LRRC56: variants seen among roughly 807,000 people sequenced by gnomAD.
LRRC56 encodes the protein leucine rich repeat containing 56.
A neutral mutation model predicts 47.8 loss-of-function variants in LRRC56; 41 were observed. That is an observed-to-expected ratio of 0.86 (90% CI 0.67 to 1.11). The LOEUF (loss-of-function observed/expected upper bound fraction) is 1.11. LRRC56 is among the 50% of genes most tolerant of loss of function. The pLI is 0.00. For synonymous variants in LRRC56, 387 were observed against 311.2 expected (o/e 1.24, Z -2.56); for missense variants, 759 against 704.2 (o/e 1.08, Z -0.88).
the LRRC56 span, among the ~76,000 whole-genome samples, chr11:523,150 T>C: frequency 3.3e-5 from 5 of 152,050 alleles, no homozygotes; most frequent in Non-Finnish European, 7.4e-5. Flanking sequence ...CTCCCCAGCC[T>C]CCTGAGTGGC....
Position 554,366 on chromosome 11 carries a change from T to C in LRRC56, c.*90T>C. ...AGCACAGAATACCTGGGCGGGTGTGTTGGGGGGTGGAAGGAGTGCCTGGCC... is the reference window on the plus strand; with the variant it reads ...AGCACAGAATACCTGGGCGGGTGTGCTGGGGGGTGGAAGGAGTGCCTGGCC... On this transcript the variant is annotated 3_prime_UTR_variant, in exon 14 of 14. Transcript: ENST00000270115. 1 of 1,205,652 alleles carries C rather than the reference T, an allele frequency of 8.3e-7. No individual in the cohort carries two copies. Among genetic ancestry groups the C allele is most frequent in the South Asian group, 2.0e-5 (1 of 49,802 alleles). The allele number at this position is 1,205,652 out of a possible 1,614,324, so 74.7% of individuals were successfully genotyped here. A position where few individuals can be genotyped will look rare whatever the true frequency, so the allele number is the denominator to read the frequency against.
the LRRC56 span, among the ~76,000 whole-genome samples, chr11:517,109 C>A: frequency 6.6e-6 from 1 of 152,248 alleles, no homozygotes; most frequent in African/African-American, 2.4e-5. Context: ...CTCGGCCTCC[C>A]GGGGTGCTGG....
the LRRC56 span, among the ~76,000 whole-genome samples, chr11:512,639 T>C: frequency 6.6e-6 from 1 of 152,240 alleles, no homozygotes; most frequent in East Asian, 1.9e-4. Flanking sequence ...ATCACCACTC[T>C]TCTAGCCCTC....
At chr11:532,563 A>G (rs1259981806), upstream of LRRC56, 2 of 1,570,286 alleles carry the variant, frequency 1.3e-6, no homozygotes, top group Admixed American at 3.6e-5. Context: ...GCAGGCCAGG[A>G]GACCGGCAGG....
At chr11:531,399 G>A in the LRRC56 span, among the ~76,000 whole-genome samples, 1 of 152,200 alleles carries the variant, frequency 6.6e-6, no homozygotes, top group Admixed American at 6.5e-5. Context: ...TGGGCCCCCA[G>A]CAGAAGCCAG....
At chr11:534,590 G>A, upstream of LRRC56, 1 of 565,040 alleles carries the variant, frequency 1.8e-6, no homozygotes, top group Admixed American at 3.1e-5. Flanking sequence ...CCCAGTGATG[G>A]GAAAAGGGAC....
chr11:543,067 T>C (rs1851882308), intron 5 of LRRC56, among the ~76,000 whole-genome samples: 1 of 151,982 alleles, frequency 6.6e-6, no homozygotes, highest in Non-Finnish European at 1.5e-5. Context: ...GATTTCTGTA[T>C]TTTTAGTAGA....
At chr11:510,190 G>A in the LRRC56 span, among the ~76,000 whole-genome samples, 7 of 152,200 alleles carry the variant, frequency 4.6e-5, no homozygotes, top group Non-Finnish European at 1.0e-4. Flanking sequence ...GAGACCCCCA[G>A]TGTTCATGAG....
upstream of LRRC56, chr11:533,618 A>C (rs766909143): frequency 5.6e-5 from 91 of 1,613,488 alleles, no homozygotes; most frequent in South Asian, 9.6e-4. Flanking sequence ...GCTCCCTGAG[A>C]GGTGGAAAGC....
At chr11:552,350 C>A in intron 12 of LRRC56, 118 bp downstream of exon 12, 2 of 1,412,428 alleles carry the variant, frequency 1.4e-6, no homozygotes, top group Non-Finnish European at 1.9e-6. Flanking sequence ...CCCTGCATGT[C>A]CTGTCCCGTG....
chr11:539,747 C>T (rs910967991), intron 3 of LRRC56, 21 bp downstream of exon 3: 3 of 152,308 alleles, frequency 2.0e-5, no homozygotes, highest in Admixed American at 6.6e-5. Context: ...TGCACGTAGT[C>T]GAGGGACACA....
rs1207928588 is a variant in LRRC56 at position 551,943 on chromosome 11, G to A, written c.1014G>A (p.Leu338=). 1.9e-6 allele frequency: 3 copies of A among 1,612,594 alleles called. No individual in the cohort carries two copies. In the Admixed American group the frequency reaches 5.0e-5, roughly 27 times the overall value. The change falls in exon 11 of 14, where the codon CTG becomes CTA. Residue 338 remains leucine, a synonymous_variant. Coordinates refer to ENST00000270115, the MANE Select transcript of LRRC56 (RefSeq NM_198075.4). ...TCTGTGGGAACCCCACCAAGGGCCTGCGGGAGCGTAGGCACCAGTGCCAGG... is the reference window on the plus strand; with the variant it reads ...TCTGTGGGAACCCCACCAAGGGCCTACGGGAGCGTAGGCACCAGTGCCAGG... ...QVLCGNPTKG[L]RERRHQCQAR...
the LRRC56 span, among the ~76,000 whole-genome samples, chr11:531,864 C>T: frequency 2.6e-5 from 4 of 152,338 alleles, no homozygotes; most frequent in African/African-American, 4.8e-5. Context: ...GTGCATTTCA[C>T]GCTGGGAGCA....
chr11:528,650 TGACGATCGTCTCGAGCCACGGGGG>T, the LRRC56 span: 2 of 152,188 alleles, frequency 1.3e-5, no homozygotes, highest in Non-Finnish European at 2.9e-5. Context: ...GCGGGTGCTC[TGACGATCGTCTCGAGCCACGGGGG>T]TGACAGTGAC....
At chr11:537,153 G>T (rs529424127), upstream of LRRC56, 1 of 152,384 alleles carries the variant, frequency 6.6e-6, no homozygotes, top group South Asian at 2.1e-4. Context: ...CCTGGGAAAG[G>T]TGGGCGCGAG....
At position 540,817 on chromosome 11, in the gene LRRC56, C is replaced by T. The variant is rs371111788; in HGVS notation, c.133C>T (p.Leu45Phe). Residue 45 changes from leucine to phenylalanine, a missense_variant, in exon 4 of 14, where the codon CTT becomes TTT. By Grantham distance (22) the Leu-to-Phe change is conservative (BLOSUM62 0). Coordinates refer to ENST00000270115, the MANE Select transcript of LRRC56 (RefSeq NM_198075.4). ...SKGPGSQRDR[L>F]GEQLVEEYLS... Reference sequence around the variant, plus strand: ...GGGCCCTGGCAGTCAGAGGGACAGACTTGGAGAGCAGCTGGTGGAAGAGTA... The same window carrying T: ...GGGCCCTGGCAGTCAGAGGGACAGATTTGGAGAGCAGCTGGTGGAAGAGTA... 4.4e-6 allele frequency: 7 copies of T among 1,595,704 alleles called. No homozygotes were observed. Among genetic ancestry groups the T allele is most frequent in the South Asian group, 3.4e-5 (3 of 88,240 alleles).
At chr11:546,819 A>G (rs953842021) in intron 6 of LRRC56, among the ~76,000 whole-genome samples, 8 of 152,122 alleles carry the variant, frequency 5.3e-5, no homozygotes, top group Non-Finnish European at 1.0e-4. Context: ...TTGGGAGGCC[A>G]AGGCAGGCGG....
chr11:542,580 C>CAAAAAAAAAAAAAAAAAAAAAAAA (rs71022928), intron 5 of LRRC56, among the ~76,000 whole-genome samples: 4 of 26,002 alleles, frequency 1.5e-4, no homozygotes, highest in African/African-American at 2.1e-4. Context: ...AACCCTGTCG[C>CAAAAAAAAAAAAAAAAAAAAAAAA]AAAAAAAAAA....
At chr11:512,733 A>G in the LRRC56 span, among the ~76,000 whole-genome samples, 5 of 152,264 alleles carry the variant, frequency 3.3e-5, no homozygotes, top group Admixed American at 3.3e-4. Flanking sequence ...TTTTCTCAAT[A>G]CTATATGAGT....
Sources: allele counts gnomAD v4.1 joint callset (sites outside exome capture counted in the v4.1 genomes callset), GRCh38; gene constraint gnomAD v4.1.1; transcripts MANE v1.5; gene names NCBI Gene and HGNC (gene_info 2026-07-23, HGNC 2026-07-21).